TMLHE: variants seen among roughly 807,000 people sequenced by gnomAD.
The protein encoded by TMLHE is trimethyllysine dioxygenase, mitochondrial.
Under a neutral mutation model 25.7 loss-of-function variants are expected in TMLHE, and 18 were observed. The observed-to-expected ratio is 0.70, with a 90% CI of 0.48 to 1.04. TMLHE has a LOEUF of 1.04. TMLHE is among the 50% of genes least tolerant of loss of function. TMLHE has a pLI of 0.00. For synonymous variants in TMLHE, 105 were observed against 97.0 expected, an observed-to-expected ratio of 1.08 and a Z score of -0.49; for missense variants, 236 against 259.0, an observed-to-expected ratio of 0.91 and a Z score of 0.61.
intron 1 of TMLHE, among the ~76,000 whole-genome samples, chrX:155,555,550 A>G (rs2067446276): frequency 1.8e-5 from 2 of 110,599 alleles, no homozygotes; most frequent in South Asian, 7.6e-4. Context: ...TTGTTTCCTG[A>G]CTTTTTAATG....
In TMLHE at chrX:155,563,685, T is replaced by C. The variant is rs1439007482; in HGVS notation, c.-1-18408A>G. Among the ~76,000 whole-genome samples, 2 of 61,570 alleles carry C rather than the reference T, an allele frequency of 3.2e-5. 1 individual carries two copies. Among genetic ancestry groups the C allele is most frequent in the East Asian group, 1.4e-3 (2 of 1,410 alleles). 53.5% of individuals were successfully genotyped at this position (61,570 alleles called of 115,157 possible). On this transcript the variant is annotated intron_variant, in intron 1 of 7. Transcript: ENST00000334398. ...GCAGTTGGATACATGAGTCTTGAGT[T>C]CAGGGGAGAGATATGAGCTGCAGAT...
intron 1 of TMLHE, among the ~76,000 whole-genome samples, chrX:155,548,560 C>T (rs782030309): frequency 9.3e-6 from 1 of 107,157 alleles, no homozygotes; most frequent in Non-Finnish European, 1.9e-5. Flanking sequence ...ATGGTGAAAC[C>T]CTGTCTCTAC....
intron 1 of TMLHE, among the ~76,000 whole-genome samples, chrX:155,610,837 T>A (rs1557348239): frequency 9.1e-6 from 1 of 109,467 alleles, no homozygotes; most frequent in African/African-American, 3.3e-5. Context: ...TCAGACTGAG[T>A]ATGCTTAAAG....
chrX:155,547,379 C>T (rs1446131875), intron 1 of TMLHE, among the ~76,000 whole-genome samples: 8 of 110,236 alleles, frequency 7.3e-5, no homozygotes, highest in African/African-American at 2.3e-4. Flanking sequence ...CTCCTGACCT[C>T]GTGATCCGCC....
chrX:155,516,163 C>A (rs1349727183), intron 3 of TMLHE, among the ~76,000 whole-genome samples: 3 of 42,504 alleles, frequency 7.1e-5, no homozygotes, highest in Non-Finnish European at 1.3e-4. Context: ...GCTATCCCTC[C>A]CCCCTCCCCC....
intron 3 of TMLHE, among the ~76,000 whole-genome samples, chrX:155,523,568 A>G (rs1308295777): frequency 2.7e-5 from 3 of 111,631 alleles, no homozygotes; most frequent in Non-Finnish European, 5.7e-5. Flanking sequence ...TGTCTTGATT[A>G]CTGCAGTCTG....
chrX:155,533,319 A>G (rs782449129), intron 2 of TMLHE, among the ~76,000 whole-genome samples: 1 of 111,648 alleles, frequency 9.0e-6, no homozygotes, highest in South Asian at 3.7e-4. Context: ...TTTAGTTTCC[A>G]TAATTGTGTG....
intron 1 of TMLHE, among the ~76,000 whole-genome samples, chrX:155,590,725 A>G (rs1292423510): frequency 2.7e-5 from 3 of 111,445 alleles, no homozygotes; most frequent in African/African-American, 9.7e-5. Context: ...TCAAAAATTA[A>G]TTATAACAGT....
At chrX:155,593,086 G>A (rs782107075) in intron 1 of TMLHE, among the ~76,000 whole-genome samples, 2 of 111,263 alleles carry the variant, frequency 1.8e-5, no homozygotes, top group Non-Finnish European at 3.8e-5. Context: ...CATTTCTACT[G>A]AGCATAGAAG....
At chrX:155,599,018 C>T (rs1557346905) in intron 1 of TMLHE, among the ~76,000 whole-genome samples, 1 of 111,356 alleles carries the variant, frequency 9.0e-6, no homozygotes, top group Non-Finnish European at 1.9e-5. Context: ...TCCTAGTCCT[C>T]CTCCTTCTCA....
rs377026763 is a variant in TMLHE at position 155,570,442 on chromosome X, C to T, written c.-1-25165G>A. On this transcript the variant is annotated intron_variant, in intron 1 of 7. Coordinates refer to ENST00000334398, the MANE Select transcript of TMLHE (RefSeq NM_018196.4). ...ACAGATCAATGAGACAGAAAGTTAA[C>T]AAGGATACCCAGGAATTGAACTCAG... Among the ~76,000 whole-genome samples, 2 of 54,578 alleles carry T rather than the reference C, an allele frequency of 3.7e-5. 1 individual carries two copies. The highest frequency in any genetic ancestry group is 1.5e-3 in the East Asian group (2 of 1,313). The allele number at this position is 54,578 out of a possible 115,157, so 47.4% of individuals were successfully genotyped here. A position where few individuals can be genotyped will look rare whatever the true frequency, so the allele number is the denominator to read the frequency against.
At chrX:155,593,617 G>T (rs926337270) in intron 1 of TMLHE, among the ~76,000 whole-genome samples, 1 of 112,025 alleles carries the variant, frequency 8.9e-6, no homozygotes, top group Non-Finnish European at 1.9e-5. Context: ...TATAATGACT[G>T]ACAAAGAATT....
chrX:155,549,542 T>A (rs1370965948), intron 1 of TMLHE, among the ~76,000 whole-genome samples: 2 of 110,599 alleles, frequency 1.8e-5, no homozygotes, highest in Non-Finnish European at 3.8e-5. Flanking sequence ...CTTCCTATGT[T>A]AAAACAACCT....
intron 2 of TMLHE, among the ~76,000 whole-genome samples, chrX:155,536,970 G>C (rs999569918): frequency 9.0e-6 from 1 of 111,528 alleles, no homozygotes; most frequent in Non-Finnish European, 1.9e-5. Context: ...AACTCACCTT[G>C]ATTCATCTCT....
At chrX:155,605,389 G>C (rs1468344250) in intron 1 of TMLHE, among the ~76,000 whole-genome samples, 2 of 111,733 alleles carry the variant, frequency 1.8e-5, no homozygotes, top group African/African-American at 6.5e-5. Flanking sequence ...AGCTAACAGC[G>C]ACCTTTCAGC....
intron 3 of TMLHE, 31 bp downstream of exon 3, chrX:155,524,425 C>A: frequency 9.3e-7 from 1 of 1,079,742 alleles, no homozygotes; most frequent in African/African-American, 1.9e-5. Context: ...AAGAGTACCC[C>A]CAAAGAAGAT....
At chrX:155,606,891 G>A (rs946176916) in intron 1 of TMLHE, among the ~76,000 whole-genome samples, 14 of 109,064 alleles carry the variant, frequency 1.3e-4, no homozygotes, top group Non-Finnish European at 2.7e-4. Context: ...AATTCCTGGA[G>A]ACATATAACC....
intron 1 of TMLHE, among the ~76,000 whole-genome samples, chrX:155,551,807 T>TAA (rs2067417723): frequency 9.1e-6 from 1 of 110,362 alleles, no homozygotes; most frequent in Admixed American, 9.6e-5. Flanking sequence ...CCCTCCTTAT[T>TAA]ATGACTATTT....
chrX:155,541,203 A>G (rs2067308827), intron 2 of TMLHE, among the ~76,000 whole-genome samples: 2 of 108,947 alleles, frequency 1.8e-5, no homozygotes, highest in African/African-American at 6.7e-5. Context: ...CCTAGACCCC[A>G]CTCCCTGACA....
Sources: allele counts gnomAD v4.1 joint callset (sites outside exome capture counted in the v4.1 genomes callset), GRCh38; gene constraint gnomAD v4.1.1; transcripts MANE v1.5; gene names NCBI Gene and HGNC (gene_info 2026-07-23, HGNC 2026-07-21).